Variants in ROR2 observed in about 807,000 individuals in gnomAD.
The protein encoded by ROR2 is ROR family WNT receptor 2, also known as tyrosine-protein kinase transmembrane receptor ROR2.
In ROR2, 33 loss-of-function variants were observed where a neutral mutation model predicts 74.9. That is an observed-to-expected ratio of 0.44 (90% CI 0.33 to 0.59). The LOEUF (loss-of-function observed/expected upper bound fraction) is 0.59, where lower values mean the gene tolerates loss of function less well. Ranked by LOEUF, ROR2 falls within the 20% of genes least tolerant of loss-of-function variation. The pLI is 0.02. For missense variants in ROR2, 1,216 were observed against 1,313.8 expected, an observed-to-expected ratio of 0.93 and a Z score of 1.15; for synonymous variants, 586 against 558.7, an observed-to-expected ratio of 1.05 and a Z score of -0.69.
chr9:91,741,691 AGGCTGACTGTCTAAATG>A, intron 4 of ROR2, among the ~76,000 whole-genome samples: 1 of 152,186 alleles, frequency 6.6e-6, no homozygotes, highest in East Asian at 1.9e-4. Flanking sequence ...ATTATGAGAG[AGGCTGACTGTCTAAATG>A]GGCTGCCTGC....
At chr9:91,930,125 G>A (rs1831512827) in intron 1 of ROR2, among the ~76,000 whole-genome samples, 1 of 152,092 alleles carries the variant, frequency 6.6e-6, no homozygotes, top group East Asian at 1.9e-4. Context: ...AAGCTCCCCT[G>A]AAAAGCAGAG....
chr9:91,839,279 T>TGTGTGTGTGTGTGTGTAAGTACAGGC (rs1828712975), intron 1 of ROR2, among the ~76,000 whole-genome samples: 12 of 136,570 alleles, frequency 8.8e-5, no homozygotes, highest in African/African-American at 4.0e-4. Flanking sequence ...TGTGTGTGTG[T>TGTGTGTGTGTGTGTGTAAGTACAGGC]GTGTGTGTGT....
At chr9:91,819,611 CTG>C (rs1337577026) in intron 1 of ROR2, among the ~76,000 whole-genome samples, 1 of 149,986 alleles carries the variant, frequency 6.7e-6, no homozygotes, top group Non-Finnish European at 1.5e-5. Context: ...CTGTGTTTGT[CTG>C]TCTTTGAGTG....
chr9:91,775,778 G>A lies in ROR2; in HGVS notation c.138C>T (p.Pro46=), dbSNP rs770381922. Residue 46 remains proline (P), a synonymous_variant, in exon 2 of 9, where the codon CCC becomes CCT. Coordinates refer to ENST00000375708, the MANE Select transcript of ROR2 (RefSeq NM_004560.4). ...GAATCGGGCCGTCCTGCCCATCAAGGGGTCCTAAAGGGTCGTTCGGATCCA... is the reference window on the plus strand; with the variant it reads ...GAATCGGGCCGTCCTGCCCATCAAGAGGTCCTAAAGGGTCGTTCGGATCCA... ...EVLDPNDPLG[P]LDGQDGPIPT... is the part of the protein sequence containing the mutation. 4 of 1,614,184 alleles carry A rather than the reference G, an allele frequency of 2.5e-6. No homozygotes were observed. The highest frequency in any genetic ancestry group is 2.5e-6 in the Non-Finnish European group (3 of 1,180,034).
chr9:91,739,114 T>C (rs977939587), intron 4 of ROR2, among the ~76,000 whole-genome samples: 1 of 152,244 alleles, frequency 6.6e-6, no homozygotes, highest in Non-Finnish European at 1.5e-5. Context: ...GTAGCTTGTT[T>C]TCCAGAAAAT....
At chr9:91,819,414 A>T (rs1194026536) in intron 1 of ROR2, among the ~76,000 whole-genome samples, 1 of 151,514 alleles carries the variant, frequency 6.6e-6, no homozygotes, top group Admixed American at 6.6e-5. Context: ...TGTGTCTTTG[A>T]GTGTGTCTGT....
chr9:91,818,411 T>C (rs1314634403), intron 1 of ROR2, among the ~76,000 whole-genome samples: 1 of 150,568 alleles, frequency 6.6e-6, no homozygotes, highest in Non-Finnish European at 1.5e-5. Context: ...CCACAGGCTA[T>C]CTCCCTGTAC....
chr9:91,732,064 G>A (rs897315845), intron 6 of ROR2, among the ~76,000 whole-genome samples: 6 of 152,200 alleles, frequency 3.9e-5, no homozygotes, highest in Non-Finnish European at 8.8e-5. Context: ...ATGAGGGTCT[G>A]AATGCAGGCA....
At chr9:91,819,727 T>G (rs1392561265) in intron 1 of ROR2, among the ~76,000 whole-genome samples, 1 of 151,544 alleles carries the variant, frequency 6.6e-6, no homozygotes, top group Non-Finnish European at 1.5e-5. Flanking sequence ...GTCTTTTGAG[T>G]ATGTATCTGT....
intron 2 of ROR2, among the ~76,000 whole-genome samples, chr9:91,763,813 A>G (rs1825983850): frequency 6.6e-6 from 1 of 152,184 alleles, no homozygotes; most frequent in African/African-American, 2.4e-5. Flanking sequence ...TCTTTTAGCT[A>G]TGAGTTATTT....
chr9:91,919,081 CAT>C (rs1162475921), intron 1 of ROR2, among the ~76,000 whole-genome samples: 6 of 152,164 alleles, frequency 3.9e-5, no homozygotes, highest in Non-Finnish European at 7.3e-5. Context: ...TGTTTTAACA[CAT>C]ATAGTCCAGC....
chr9:91,802,368 G>A (rs561843608), intron 1 of ROR2, among the ~76,000 whole-genome samples: 9 of 152,132 alleles, frequency 5.9e-5, no homozygotes, highest in Admixed American at 6.5e-5. Context: ...GAGCCACCGC[G>A]CCTGGCCAAT....
intron 4 of ROR2, among the ~76,000 whole-genome samples, chr9:91,738,219 A>T (rs1268631097): frequency 1.3e-5 from 2 of 152,248 alleles, no homozygotes; most frequent in East Asian, 3.8e-4. Context: ...AATGCAAGAC[A>T]TTAAAATAAG....
intron 1 of ROR2, among the ~76,000 whole-genome samples, chr9:91,824,529 G>A (rs965346729): frequency 3.9e-5 from 6 of 152,180 alleles, no homozygotes; most frequent in African/African-American, 9.7e-5. Flanking sequence ...GAAGAAAAGC[G>A]AAAGGGAGAA....
At chr9:91,898,123 G>A (rs959498465) in intron 1 of ROR2, among the ~76,000 whole-genome samples, 2 of 152,124 alleles carry the variant, frequency 1.3e-5, no homozygotes, top group African/African-American at 4.8e-5. Flanking sequence ...CATGGTCACC[G>A]GTTCTGGAAA....
intron 1 of ROR2, among the ~76,000 whole-genome samples, chr9:91,894,380 T>C (rs1413056810): frequency 1.3e-5 from 2 of 152,282 alleles, no homozygotes; most frequent in Admixed American, 6.5e-5. Context: ...TAGATTACCA[T>C]TGAGGAGAAA....
intron 4 of ROR2, among the ~76,000 whole-genome samples, chr9:91,739,645 A>C (rs1161964492): frequency 1.3e-5 from 2 of 152,252 alleles, no homozygotes; most frequent in Non-Finnish European, 2.9e-5. Flanking sequence ...GCTTCTGCAG[A>C]AAACCCTTTT....
At chr9:91,808,915 A>AT (rs1289625153) in intron 1 of ROR2, among the ~76,000 whole-genome samples, 3 of 151,832 alleles carry the variant, frequency 2.0e-5, no homozygotes, top group Non-Finnish European at 4.4e-5. Flanking sequence ...AGGCAGGAGA[A>AT]TGGCATGAAC....
chr9:91,855,541 C>T (rs1485546618), intron 1 of ROR2, among the ~76,000 whole-genome samples: 2 of 152,202 alleles, frequency 1.3e-5, no homozygotes, highest in African/African-American at 4.8e-5. Flanking sequence ...GTGACCTCCA[C>T]CCCCAGTTTC....
Sources: allele counts gnomAD v4.1 joint callset (sites outside exome capture counted in the v4.1 genomes callset), GRCh38; gene constraint gnomAD v4.1.1; transcripts MANE v1.5; gene names NCBI Gene and HGNC (gene_info 2026-07-23, HGNC 2026-07-21).